PIWIL2: variants seen among roughly 807,000 people sequenced by gnomAD.
The protein encoded by PIWIL2 is piwi like RNA-mediated gene silencing 2, also known as piwi-like protein 2.
A neutral mutation model predicts 116.5 loss-of-function variants in PIWIL2; 81 were observed. The ratio of observed to expected loss-of-function variants is 0.70; its 90% CI spans 0.58 to 0.84. The LOEUF (loss-of-function observed/expected upper bound fraction) is 0.84, where lower values mean the gene tolerates loss of function less well. Ranked by LOEUF, PIWIL2 falls within the 40% of genes least tolerant of loss-of-function variation. The pLI is 0.00. For missense variants in PIWIL2, 1,272 were observed against 1,212.3 expected, an observed-to-expected ratio of 1.05 and a Z score of -0.73; for synonymous variants, 489 against 429.5, an observed-to-expected ratio of 1.14 and a Z score of -1.71.
intron 20 of PIWIL2, among the ~76,000 whole-genome samples, chr8:22,347,472 C>T (rs1298447767): frequency 6.6e-6 from 1 of 151,256 alleles, no homozygotes; most frequent in East Asian, 1.9e-4. Flanking sequence ...TCGCCTCAGC[C>T]TCCCAAAGTG....
At chr8:22,352,327 C>T (rs1347340933) in intron 20 of PIWIL2, among the ~76,000 whole-genome samples, 1 of 152,214 alleles carries the variant, frequency 6.6e-6, no homozygotes, top group Non-Finnish European at 1.5e-5. Context: ...CAAATTGCTT[C>T]AAGCAAGCAT....
At position 22,308,039 on chromosome 8, in the gene PIWIL2, G is replaced by A. The variant is rs529353152; in HGVS notation, c.1652G>A (p.Arg551His). 2.5e-5 allele frequency: 41 copies of A among 1,613,946 alleles called. No homozygotes were observed. Among genetic ancestry groups the A allele is most frequent in the Admixed American group, 1.3e-4 (8 of 60,010 alleles). Residue 551 changes from arginine to histidine, a missense_variant, in exon 14 of 23, where the codon CGT becomes CAT. By Grantham distance (29) the Arg-to-His change is conservative. Transcript: ENST00000356766. ...GAGGCAGCCACCAATGAACTGATGC[G>A]TTGGGGGCTCCGTCTGCAAAAGGAT... ...KNEAATNELMRWGLRLQKDVH... is the reference protein window; with the variant it reads ...KNEAATNELMHWGLRLQKDVH...
chr8:22,354,660 A>G (rs981504956), intron 22 of PIWIL2, among the ~76,000 whole-genome samples: 1 of 152,234 alleles, frequency 6.6e-6, no homozygotes, highest in Non-Finnish European at 1.5e-5. Flanking sequence ...ACATACAGCC[A>G]GACTTGAGAC....
chr8:22,318,690 A>G (rs1329598409), intron 20 of PIWIL2, among the ~76,000 whole-genome samples: 2 of 152,202 alleles, frequency 1.3e-5, no homozygotes, highest in African/African-American at 4.8e-5. Flanking sequence ...AGGGATCTCA[A>G]ATCAAAGGTG....
At chr8:22,316,705 C>T (rs1831467955) in intron 19 of PIWIL2, among the ~76,000 whole-genome samples, 2 of 152,074 alleles carry the variant, frequency 1.3e-5, no homozygotes, top group South Asian at 4.1e-4. Flanking sequence ...TGGTCTTGAA[C>T]ACCTAACCTC....
chr8:22,329,458 G>A (rs544095229), intron 20 of PIWIL2, among the ~76,000 whole-genome samples: 1 of 152,354 alleles, frequency 6.6e-6, no homozygotes, highest in South Asian at 2.1e-4. Flanking sequence ...CATGGTGAAA[G>A]CAGGAGTAAA....
Position 22,304,786 on chromosome 8 carries a change from A to G in PIWIL2, c.1373A>G (p.Lys458Arg). 6.2e-7 allele frequency: 1 copy of G among 1,611,624 alleles called. No individual in the cohort carries two copies. The highest frequency in any genetic ancestry group is 8.5e-7 in the Non-Finnish European group (1 of 1,177,740). ...TTCCTGCCTCTACTCTGCTCTAGCA[A>G]AAATTATGGGATCACAGTTAAGGAA... ...KEITFLEYYS[K>R]NYGITVKEED... The change falls in exon 12 of 23, where the codon AAA (lysine) becomes AGA (arginine). Residue 458 changes from lysine to arginine, a missense_variant and splice_region_variant. Physicochemically the swap from Lys to Arg is conservative, Grantham distance 26. Coordinates refer to ENST00000356766, the MANE Select transcript of PIWIL2 (RefSeq NM_018068.5).
At chr8:22,279,246 G>A (rs1830444764) in intron 1 of PIWIL2, 95 bp from the exon 2 acceptor site, 5 of 675,746 alleles carry the variant, frequency 7.4e-6, no homozygotes, top group Non-Finnish European at 1.3e-5. Context: ...GCGTGTTACT[G>A]GACTGACTCA....
At chr8:22,324,217 A>C (rs1208651836) in intron 20 of PIWIL2, among the ~76,000 whole-genome samples, 1 of 152,198 alleles carries the variant, frequency 6.6e-6, no homozygotes, top group African/African-American at 2.4e-5. Flanking sequence ...TGCCAAGATC[A>C]CGCCACTGCG....
Position 22,304,787 on chromosome 8 carries a change from A to G in PIWIL2, c.1374A>G (p.Lys458=). The change falls in exon 12 of 23, where the codon AAA becomes AAG. Residue 458 remains lysine, a synonymous_variant. Transcript: ENST00000356766. ...KEITFLEYYS[K]NYGITVKEED... is the part of the protein sequence containing the mutation. ...TCCTGCCTCTACTCTGCTCTAGCAA[A>G]AATTATGGGATCACAGTTAAGGAAG... The G allele has an allele frequency of 6.2e-7, 1 of 1,611,742 alleles. No individual in the cohort carries two copies.
rs1349326182 is a variant in PIWIL2, at chr8:22,290,318, A to G, written c.1153A>G (p.Ile385Val). 2 of 1,608,616 alleles carry G rather than the reference A, an allele frequency of 1.2e-6. No homozygotes were observed. The highest frequency in any genetic ancestry group is 1.7e-6 in the Non-Finnish European group (2 of 1,175,292). Reference protein sequence around the residue: ...FLLADVSHKVIRNDCVLDVMH... With the variant: ...FLLADVSHKVVRNDCVLDVMH... ...GCTAGCTGATGTCTCCCATAAGGTC[A>G]TTCGGAATGACTGTGTGCTGGATGT... Residue 385 changes from isoleucine to valine, a missense_variant, in exon 10 of 23, where the codon ATT becomes GTT. Physicochemically the swap from Ile to Val is conservative, Grantham distance 29 (BLOSUM62 3). Coordinates refer to ENST00000356766, the MANE Select transcript of PIWIL2 (RefSeq NM_018068.5).
At chr8:22,350,228 G>A (rs1485600653) in intron 20 of PIWIL2, among the ~76,000 whole-genome samples, 1 of 152,066 alleles carries the variant, frequency 6.6e-6, no homozygotes, top group Non-Finnish European at 1.5e-5. Flanking sequence ...ATCTTGTTGG[G>A]GGCAGGAGGA....
chr8:22,311,866 T>C (rs1333296194), intron 16 of PIWIL2, among the ~76,000 whole-genome samples: 1 of 152,182 alleles, frequency 6.6e-6, no homozygotes, highest in African/African-American at 2.4e-5. Context: ...TTGGAAGTAA[T>C]TAGCCCTTGA....
At chr8:22,305,490 C>T (rs1160769378) in intron 12 of PIWIL2, among the ~76,000 whole-genome samples, 4 of 152,126 alleles carry the variant, frequency 2.6e-5, no homozygotes, top group African/African-American at 9.7e-5. Flanking sequence ...CTGCGCCTGG[C>T]CTAGACATTT....
At chr8:22,352,804 CT>C (rs372573505) in intron 20 of PIWIL2, 154 bp from the exon 21 acceptor site, 11,665 of 668,540 alleles carry the variant, frequency 0.017, 147 homozygotes, top group Middle Eastern at 0.023. Flanking sequence ...TGATTAGAAG[CT>C]TTTTTTCCCT....
At chr8:22,306,515 G>A (rs1207138972) in intron 13 of PIWIL2, among the ~76,000 whole-genome samples, 1 of 152,142 alleles carries the variant, frequency 6.6e-6, no homozygotes, top group Admixed American at 6.5e-5. Context: ...GCTCCTGTGG[G>A]CAGGGCTGAG....
chr8:22,353,764 C>CCTTTTTTTTTTT (rs1832427021), intron 21 of PIWIL2, among the ~76,000 whole-genome samples: 1 of 68,328 alleles, frequency 1.5e-5, no homozygotes, highest in Admixed American at 2.1e-4. Context: ...GTTTCTACCA[C>CCTTTTTTTTTTT]TTTTTTTTTT....
In PIWIL2 at chr8:22,279,659, A is replaced by T. The variant is rs572255114; in HGVS notation, c.198+75A>T. ...CCGTCAGAGGAAGTAATGGATTTCAAAGTGCTTGCAGGGCTGGGCACGGTG... is the reference window on the plus strand; with the variant it reads ...CCGTCAGAGGAAGTAATGGATTTCATAGTGCTTGCAGGGCTGGGCACGGTG... On this transcript the variant is annotated intron_variant, in intron 2 of 22. Coordinates refer to ENST00000356766, the MANE Select transcript of PIWIL2 (RefSeq NM_018068.5). 4 of 1,415,664 alleles carry T rather than the reference A, an allele frequency of 2.8e-6. No individual in the cohort carries two copies. In the South Asian group the frequency reaches 3.5e-5, roughly 13 times the overall value. 87.7% of individuals were successfully genotyped at this position (1,415,664 alleles called of 1,614,324 possible).
intron 10 of PIWIL2, among the ~76,000 whole-genome samples, chr8:22,302,245 G>A (rs529389701): frequency 1.3e-5 from 2 of 151,912 alleles, no homozygotes; most frequent in Non-Finnish European, 2.9e-5. Context: ...GCAGTGGCGC[G>A]ATCTTGGCTC....
Sources: gnomAD v4.1 joint callset for allele counts (sites outside exome capture counted in the v4.1 genomes callset) on GRCh38, gnomAD v4.1.1 for gene constraint, MANE v1.5 for transcripts, NCBI Gene and HGNC (gene_info 2026-07-23, HGNC 2026-07-21) for gene names.